Variants in GALNT10 observed in about 807,000 individuals in gnomAD.
GALNT10 encodes the protein polypeptide N-acetylgalactosaminyltransferase 10.
A neutral mutation model predicts 75.0 loss-of-function variants in GALNT10; 41 were observed. That is an observed-to-expected ratio of 0.55 (90% confidence interval 0.43 to 0.71). GALNT10 has a LOEUF of 0.71. Among genes scored for constraint, GALNT10 ranks in the 30% least tolerant of loss-of-function variants. The pLI, the probability that GALNT10 is intolerant of heterozygous loss-of-function variation, is 0.00. For missense variants in GALNT10, 727 were observed against 818.5 expected (o/e 0.89, Z 1.36); for synonymous variants, 302 against 313.0 (o/e 0.96, Z 0.37).
chr5:154,327,587 C>T (rs1315517043), intron 3 of GALNT10, among the ~76,000 whole-genome samples: 3 of 152,138 alleles, frequency 2.0e-5, no homozygotes, highest in African/African-American at 7.2e-5. Context: ...ATTATGTTTC[C>T]ATTTGTGAGT....
At chr5:154,363,001 C>A (rs1237495726) in intron 4 of GALNT10, among the ~76,000 whole-genome samples, 4 of 152,196 alleles carry the variant, frequency 2.6e-5, no homozygotes, top group African/African-American at 9.6e-5. Context: ...TCTCTCCCAA[C>A]CTCAGTCTTT....
intron 4 of GALNT10, among the ~76,000 whole-genome samples, chr5:154,336,452 G>A (rs927940479): frequency 1.3e-5 from 2 of 152,152 alleles, no homozygotes; most frequent in Non-Finnish European, 2.9e-5. Flanking sequence ...ATTTCCACCT[G>A]CAATGAATGA....
chr5:154,211,170 AG>A (rs1381560710), intron 1 of GALNT10, among the ~76,000 whole-genome samples: 5 of 152,236 alleles, frequency 3.3e-5, no homozygotes, highest in African/African-American at 4.8e-5. Flanking sequence ...GTATAAAGGC[AG>A]GAGGGCAGGA....
chr5:154,240,925 C>A (rs1753325891), intron 1 of GALNT10, among the ~76,000 whole-genome samples: 1 of 152,100 alleles, frequency 6.6e-6, no homozygotes, highest in Non-Finnish European at 1.5e-5. Flanking sequence ...GGAAAAAATA[C>A]CTGCCTTGCA....
chr5:154,408,668 T>A (rs565483101), intron 8 of GALNT10, among the ~76,000 whole-genome samples: 1 of 152,034 alleles, frequency 6.6e-6, no homozygotes, highest in African/African-American at 2.4e-5. Flanking sequence ...ATCTTTGTGC[T>A]TCATGATGAA....
At chr5:154,244,998 T>G (rs6867821) in intron 1 of GALNT10, among the ~76,000 whole-genome samples, 96,332 of 152,024 alleles carry the variant, frequency 0.63, 31,153 homozygotes, top group East Asian at 0.86. Context: ...GGTTCTTCCT[T>G]GGAGCTGAAG....
intron 3 of GALNT10, among the ~76,000 whole-genome samples, chr5:154,305,296 TA>T (rs374431386): frequency 3.0e-3 from 403 of 133,554 alleles, no homozygotes; most frequent in Middle Eastern, 3.8e-3. Flanking sequence ...ACCTCATCTG[TA>T]AAAAAAAAAA....
intron 7 of GALNT10, among the ~76,000 whole-genome samples, chr5:154,395,485 TG>T (rs1469528203): frequency 6.6e-6 from 1 of 152,268 alleles, no homozygotes; most frequent in Non-Finnish European, 1.5e-5. Context: ...GCTCAGTGCC[TG>T]GAACATAATA....
intron 1 of GALNT10, among the ~76,000 whole-genome samples, chr5:154,225,454 G>A (rs1382411229): frequency 6.6e-6 from 1 of 150,878 alleles, no homozygotes; most frequent in African/African-American, 2.4e-5. Context: ...GCAGTGGAAT[G>A]ATCATGGCTC....
intron 1 of GALNT10, among the ~76,000 whole-genome samples, chr5:154,252,433 T>C (rs1422787): frequency 0.63 from 96,271 of 151,992 alleles, 31,135 homozygotes; most frequent in East Asian, 0.86. Flanking sequence ...ACTTGAAAGT[T>C]GGTTTTGCTG....
At position 154,418,496 on chromosome 5, in the gene GALNT10, C is replaced by T. The variant is rs60732724; in HGVS notation, c.*1524C>T. 12,251 of 152,276 alleles carry T rather than the reference C, an allele frequency of 0.08. 506 individuals carry two copies. Among genetic ancestry groups the T allele is most frequent in the East Asian group, 0.1 (531 of 5,186 alleles). 9.4% of individuals were successfully genotyped at this position (152,276 alleles called of 1,614,324 possible). ...ATCACATTCCACAATCTATGGCTTC[C>T]ACCAGCTAGCCCAGGAAATACTTGA... On this transcript the variant is annotated 3_prime_UTR_variant, in exon 12 of 12. Coordinates refer to ENST00000297107, the MANE Select transcript of GALNT10 (RefSeq NM_198321.4).
chr5:154,220,353 A>G (rs1311079981), intron 1 of GALNT10: 2 of 152,220 alleles, frequency 1.3e-5, no homozygotes, highest in South Asian at 2.1e-4. Context: ...AATTAATTCA[A>G]CCTGCTCACT....
chr5:154,268,866 G>T (rs1380557947), intron 1 of GALNT10, among the ~76,000 whole-genome samples: 1 of 152,218 alleles, frequency 6.6e-6, no homozygotes, highest in Non-Finnish European at 1.5e-5. Context: ...GCCAGGTGCA[G>T]TGGCTCACGC....
intron 1 of GALNT10, among the ~76,000 whole-genome samples, chr5:154,209,262 A>C (rs1454937748): frequency 6.6e-6 from 1 of 152,246 alleles, no homozygotes; most frequent in African/African-American, 2.4e-5. Flanking sequence ...CACCAGAACC[A>C]GGGTGAAAAA....
intron 3 of GALNT10, among the ~76,000 whole-genome samples, chr5:154,300,710 A>G (rs913461738): frequency 6.6e-6 from 1 of 151,984 alleles, no homozygotes. Flanking sequence ...CCTCAAAGGA[A>G]CTCCCACTCT....
intron 7 of GALNT10, among the ~76,000 whole-genome samples, chr5:154,398,330 C>T (rs564903165): frequency 6.6e-6 from 1 of 152,358 alleles, no homozygotes; most frequent in South Asian, 2.1e-4. Context: ...AATGTCATCT[C>T]AGTGGCCTGT....
chr5:154,279,520 C>G lies in GALNT10; in HGVS notation c.160-15296C>G, dbSNP rs145767427. Among the ~76,000 whole-genome samples the G allele has an allele frequency of 4.8e-3, 736 of 151,778 alleles. 5 individuals are homozygous for G. The highest frequency in any genetic ancestry group is 0.017 in the African/African-American group (707 of 41,360). ...GTTTCACCATGTTGGCCAGGCTGGTCTCGAACTCCTGACCTCAGGTGATCC... is the reference window on the plus strand; with the variant it reads ...GTTTCACCATGTTGGCCAGGCTGGTGTCGAACTCCTGACCTCAGGTGATCC... On this transcript the variant is annotated intron_variant, in intron 1 of 11. Transcript: ENST00000297107.
chr5:154,325,975 G>T (rs546336383), intron 3 of GALNT10, among the ~76,000 whole-genome samples: 1 of 152,082 alleles, frequency 6.6e-6, no homozygotes, highest in South Asian at 2.1e-4. Flanking sequence ...GAAATTCTAA[G>T]GAGTTTATAC....
rs139408517 is a variant in GALNT10 at position 154,415,881 on chromosome 5, G to A, written c.1602G>A (p.Thr534=). The part of the protein sequence containing the change: ...FDAISHTSPV[T]LYDCHSMKGN... ...CCATTTCCCACACCAGCCCTGTCAC[G>A]CTGTACGACTGCCACAGCATGAAGG... The change falls in exon 11 of 12, where the codon ACG becomes ACA. Residue 534 remains threonine (T), a synonymous_variant. Transcript: ENST00000297107. 2.5e-5 allele frequency: 41 copies of A among 1,614,012 alleles called. No individual in the cohort carries two copies. Among genetic ancestry groups the A allele is most frequent in the Middle Eastern group, 1.6e-4 (1 of 6,084 alleles).
Sources: gnomAD v4.1 joint callset for allele counts (sites outside exome capture counted in the v4.1 genomes callset) on GRCh38, gnomAD v4.1.1 for gene constraint, MANE v1.5 for transcripts, NCBI Gene and HGNC (gene_info 2026-07-23, HGNC 2026-07-21) for gene names.